NR3C1: variants seen among roughly 807,000 people sequenced by gnomAD.
The protein encoded by NR3C1 is glucocorticoid receptor.
A neutral mutation model predicts 74.0 loss-of-function variants in NR3C1; 14 were observed. The ratio of observed to expected loss-of-function variants is 0.19; its 90% CI spans 0.12 to 0.30. NR3C1 has a LOEUF of 0.30. NR3C1 is among the 10% of genes least tolerant of loss of function. The pLI is 1.00. For synonymous variants in NR3C1, 308 were observed against 332.5 expected (o/e 0.93, Z 0.80); for missense variants, 695 against 909.8 (o/e 0.76, Z 3.04).
At chr5:143,375,112 G>A (rs1352706543) in intron 2 of NR3C1, among the ~76,000 whole-genome samples, 3 of 152,046 alleles carry the variant, frequency 2.0e-5, no homozygotes, top group African/African-American at 2.4e-5. Context: ...TCACTCTTTC[G>A]GCTGAGAAAG....
exon 1 of NR3C1, chr5:143,434,970 TG>T: frequency 2.3e-5 from 23 of 984,736 alleles, no homozygotes; most frequent in Non-Finnish European, 2.8e-5. Flanking sequence ...TTTTTTTTTT[TG>T]GAGAGAAATA....
chr5:143,412,367 A>G (rs1333446139), intron 1 of NR3C1, among the ~76,000 whole-genome samples: 1 of 152,076 alleles, frequency 6.6e-6, no homozygotes, highest in African/African-American at 2.4e-5. Context: ...TTTTGCCCAC[A>G]TGGAGGGGTT....
At chr5:143,413,252 G>A (rs187217762) in intron 1 of NR3C1, among the ~76,000 whole-genome samples, 46 of 152,280 alleles carry the variant, frequency 3.0e-4, no homozygotes, top group African/African-American at 9.6e-4. Flanking sequence ...TGTGGATATG[G>A]AGATGGTGGT....
At chr5:143,305,943 G>C (rs1278835864) in intron 4 of NR3C1, among the ~76,000 whole-genome samples, 3 of 152,032 alleles carry the variant, frequency 2.0e-5, no homozygotes, top group African/African-American at 7.3e-5. Context: ...AAAAAAATTA[G>C]TTTCAGTAAT....
chr5:143,291,732 CTT>C (rs1051320461), intron 7 of NR3C1, among the ~76,000 whole-genome samples: 71 of 152,184 alleles, frequency 4.7e-4, no homozygotes, highest in Admixed American at 4.6e-3. Context: ...CTCACTGACT[CTT>C]TGCTTGGCTG....
chr5:143,359,573 T>A (rs1831847405), intron 2 of NR3C1, among the ~76,000 whole-genome samples: 1 of 152,238 alleles, frequency 6.6e-6, no homozygotes, highest in South Asian at 2.1e-4. Flanking sequence ...TCAAGGCTGC[T>A]AATAAATGTA....
intron 1 of NR3C1, among the ~76,000 whole-genome samples, chr5:143,422,293 A>G (rs1405633968): frequency 6.6e-6 from 1 of 152,168 alleles, no homozygotes; most frequent in Admixed American, 6.5e-5. Context: ...TCTTGATTTT[A>G]GTGTTTATTT....
At chr5:143,358,623 C>T (rs750639693) in intron 2 of NR3C1, among the ~76,000 whole-genome samples, 1 of 152,154 alleles carries the variant, frequency 6.6e-6, no homozygotes, top group African/African-American at 2.4e-5. Context: ...AAATCTTGGC[C>T]GGGCGCGGTG....
chr5:143,364,880 A>T (rs1832921814), intron 2 of NR3C1, among the ~76,000 whole-genome samples: 1 of 151,806 alleles, frequency 6.6e-6, no homozygotes, highest in African/African-American at 2.4e-5. Flanking sequence ...TAATTTTTGT[A>T]TTTTTTTGTA....
intron 2 of NR3C1, among the ~76,000 whole-genome samples, chr5:143,338,419 TCA>T (rs1491093644): frequency 6.6e-6 from 1 of 151,976 alleles, no homozygotes; most frequent in Non-Finnish European, 1.5e-5. Flanking sequence ...GGCACTGTTA[TCA>T]CAGAAAACGA....
At chr5:143,307,041 C>A (rs1422494558) in intron 4 of NR3C1, among the ~76,000 whole-genome samples, 1 of 151,786 alleles carries the variant, frequency 6.6e-6, no homozygotes, top group African/African-American at 2.4e-5. Context: ...GGACTACAGG[C>A]GCCCGCCACC....
intron 2 of NR3C1, among the ~76,000 whole-genome samples, chr5:143,334,137 T>C (rs1490076566): frequency 2.0e-5 from 3 of 152,146 alleles, no homozygotes; most frequent in African/African-American, 7.2e-5. Context: ...ATCCCAACAC[T>C]TTGGGAGGCT....
intron 2 of NR3C1, among the ~76,000 whole-genome samples, chr5:143,330,915 A>C (rs933150626): frequency 1.3e-5 from 2 of 152,204 alleles, no homozygotes; most frequent in Non-Finnish European, 2.9e-5. Context: ...ATTGCTCTCA[A>C]AATACCAATG....
At chr5:143,434,823 C>T (rs139748492) in exon 1 of NR3C1, 21 of 985,422 alleles carry the variant, frequency 2.1e-5, no homozygotes, top group East Asian at 2.3e-4. Flanking sequence ...TTAGATATGA[C>T]GCAGATTCCT....
At chr5:143,323,283 C>T (rs1157620557) in intron 2 of NR3C1, among the ~76,000 whole-genome samples, 1 of 152,194 alleles carries the variant, frequency 6.6e-6, no homozygotes, top group African/African-American at 2.4e-5. Flanking sequence ...TACAGTTCCA[C>T]ATGGCTGGGG....
intron 2 of NR3C1, among the ~76,000 whole-genome samples, chr5:143,332,217 A>G (rs1461912103): frequency 1.3e-5 from 2 of 152,190 alleles, no homozygotes; most frequent in Non-Finnish European, 2.9e-5. Context: ...TTAAAACAAT[A>G]TATCACAACA....
Position 143,278,174 on chromosome 5 carries a change from A to G in NR3C1, c.*3715T>C, listed in dbSNP as rs559320566. ...TATTATTCAGCATGAATAAAAAACT[A>G]CAACTTTTATTTTTAAACAGGAGTC... On this transcript the variant is annotated 3_prime_UTR_variant, in exon 9 of 9. Coordinates refer to ENST00000394464, the MANE Select transcript of NR3C1 (RefSeq NM_000176.3). 6.6e-6 allele frequency: 1 copy of G among 152,330 alleles called. No homozygotes were observed. Among genetic ancestry groups the G allele is most frequent in the South Asian group, 2.1e-4 (1 of 4,832 alleles). The allele number at this position is 152,330 out of a possible 1,614,324, so 9.4% of individuals were successfully genotyped here.
In NR3C1 at chr5:143,388,439, A is replaced by G. The variant is rs144536407; in HGVS notation, c.1184+11217T>C. 5.6e-3 allele frequency among the ~76,000 whole-genome samples: 850 copies of G among 152,324 alleles called. 7 individuals carry two copies. Among genetic ancestry groups the G allele is most frequent in the Non-Finnish European group, 9.5e-3 (648 of 68,022 alleles). ...AATTTTGTTTATTTAGGTATTCAAC[A>G]TGTATTTGTAGAGGTCTTACTATGT... is the stretch of plus-strand genomic sequence containing the variant. On this transcript the variant is annotated intron_variant, in intron 2 of 8. Coordinates refer to ENST00000394464, the MANE Select transcript of NR3C1 (RefSeq NM_000176.3).
At chr5:143,428,027 T>C (rs1395156270) in intron 1 of NR3C1, among the ~76,000 whole-genome samples, 2 of 152,248 alleles carry the variant, frequency 1.3e-5, no homozygotes, top group African/African-American at 2.4e-5. Flanking sequence ...GTGGCAATTA[T>C]GTTTTTCATT....
Sources: gnomAD v4.1 joint callset for allele counts (sites outside exome capture counted in the v4.1 genomes callset) on GRCh38, gnomAD v4.1.1 for gene constraint, MANE v1.5 for transcripts, NCBI Gene and HGNC (gene_info 2026-07-23, HGNC 2026-07-21) for gene names.